The following CACNA2D3 variants were observed in gnomAD, a reference collection of about 807,000 sequenced individuals.
The protein encoded by CACNA2D3 is calcium voltage-gated channel auxiliary subunit alpha2delta 3.
A neutral mutation model predicts 160.6 loss-of-function variants in CACNA2D3; 60 were observed. The observed-to-expected ratio is 0.37, with a 90% CI of 0.30 to 0.46. The LOEUF (loss-of-function observed/expected upper bound fraction) is 0.46. Ranked by LOEUF, CACNA2D3 falls within the 20% of genes least tolerant of loss-of-function variation. CACNA2D3 has a pLI of 1.00. For synonymous variants in CACNA2D3, 558 were observed against 492.9 expected (o/e 1.13, Z -1.75); for missense variants, 1,205 against 1,365.0 (o/e 0.88, Z 1.85).
At chr3:54,190,473 C>T (rs139303242) in intron 2 of CACNA2D3, among the ~76,000 whole-genome samples, 1 of 152,338 alleles carries the variant, frequency 6.6e-6, no homozygotes, top group East Asian at 1.9e-4. Flanking sequence ...CACCAGCACA[C>T]ACACCACTTT....
At chr3:54,278,270 C>G (rs1702790133) in intron 2 of CACNA2D3, among the ~76,000 whole-genome samples, 1 of 152,160 alleles carries the variant, frequency 6.6e-6, no homozygotes, top group African/African-American at 2.4e-5. Flanking sequence ...TAGAGAAATG[C>G]AAATCAAAAC....
At chr3:54,816,716 G>A (rs1703466710) in intron 13 of CACNA2D3, 137 bp from the exon 14 acceptor site, 1 of 871,352 alleles carries the variant, frequency 1.1e-6, no homozygotes, top group Admixed American at 2.4e-5. Context: ...AAAATAACTT[G>A]CTTTACCTCT....
intron 34 of CACNA2D3, among the ~76,000 whole-genome samples, chr3:55,015,379 T>C (rs906909458): frequency 6.6e-6 from 1 of 152,230 alleles, no homozygotes; most frequent in Non-Finnish European, 1.5e-5. Context: ...TCATACCTCA[T>C]AGTTTATTTT....
chr3:54,312,631 C>T (rs978779476), intron 2 of CACNA2D3, among the ~76,000 whole-genome samples: 1 of 152,154 alleles, frequency 6.6e-6, no homozygotes, highest in African/African-American at 2.4e-5. Flanking sequence ...AATGATCTGG[C>T]AAAATAGATG....
intron 2 of CACNA2D3, among the ~76,000 whole-genome samples, chr3:54,251,479 C>T (rs1702188786): frequency 6.6e-6 from 1 of 152,164 alleles, no homozygotes; most frequent in Non-Finnish European, 1.5e-5. Context: ...CCTAGGATTC[C>T]TTTTGGAAAC....
Position 54,514,612 on chromosome 3 carries a change from G to A in CACNA2D3, c.544+10958G>A, listed in dbSNP as rs373874375. Among the ~76,000 whole-genome samples, 51 of 152,284 alleles carry A rather than the reference G, an allele frequency of 3.3e-4. No homozygotes were observed. The South Asian group carries it at 9.1e-3, about 27-fold the overall frequency. On this transcript the variant is annotated intron_variant, in intron 5 of 37. Transcript: ENST00000474759. ...ACACAGCTGGGCATATGATGCACCC[G>A]GAGGAAATGCTGTGGAGGAAAGGGT...
intron 2 of CACNA2D3, among the ~76,000 whole-genome samples, chr3:54,301,463 CA>C (rs902024502): frequency 1.3e-5 from 2 of 150,042 alleles, no homozygotes; most frequent in Non-Finnish European, 1.5e-5. Flanking sequence ...GACCCTGTCT[CA>C]AAAAAAATAA....
At chr3:54,939,693 C>T (rs1167360734) in intron 27 of CACNA2D3, among the ~76,000 whole-genome samples, 1 of 152,232 alleles carries the variant, frequency 6.6e-6, no homozygotes, top group Non-Finnish European at 1.5e-5. Flanking sequence ...GGCTGTTTCC[C>T]TATTCAGAAG....
At chr3:54,739,784 TGTGTGTGTGTGG>T (rs1453534376) in intron 11 of CACNA2D3, among the ~76,000 whole-genome samples, 6 of 109,426 alleles carry the variant, frequency 5.5e-5, no homozygotes, top group South Asian at 5.9e-4. Flanking sequence ...TGTGTGTGTG[TGTGTGTGTGTGG>T]AATTATATAT....
rs534266396 is a variant in CACNA2D3, at chr3:54,846,857, A to G, written c.1626+390A>G. Reference sequence around the variant, plus strand: ...CTTACTGCAAGTCTAATTTGACACGATAAATTAGACCCAAGATCCCTGGAA... The same window carrying G: ...CTTACTGCAAGTCTAATTTGACACGGTAAATTAGACCCAAGATCCCTGGAA... On this transcript the variant is annotated intron_variant, in intron 17 of 37. Coordinates refer to ENST00000474759, the MANE Select transcript of CACNA2D3 (RefSeq NM_018398.3). 2.6e-4 allele frequency among the ~76,000 whole-genome samples: 39 copies of G among 152,304 alleles called. No homozygotes were observed. The South Asian group carries it at 8.1e-3, about 32-fold the overall frequency.
At chr3:54,951,167 G>T (rs1338416892) in intron 27 of CACNA2D3, among the ~76,000 whole-genome samples, 1 of 152,152 alleles carries the variant, frequency 6.6e-6, no homozygotes. Flanking sequence ...ATATTTTGGG[G>T]CATAACTACA....
chr3:54,923,097 A>G (rs1700900289), intron 27 of CACNA2D3, among the ~76,000 whole-genome samples: 1 of 152,090 alleles, frequency 6.6e-6, no homozygotes, highest in African/African-American at 2.4e-5. Context: ...GCCTTTCGTC[A>G]GTTCTCCCAA....
At chr3:55,016,379 G>A (rs996771882) in intron 34 of CACNA2D3, among the ~76,000 whole-genome samples, 3 of 152,176 alleles carry the variant, frequency 2.0e-5, no homozygotes, top group Non-Finnish European at 4.4e-5. Context: ...CACAAGCTTG[G>A]TACTGCTATT....
At chr3:54,146,106 C>G (rs370723279) in intron 2 of CACNA2D3, among the ~76,000 whole-genome samples, 4 of 152,162 alleles carry the variant, frequency 2.6e-5, no homozygotes, top group African/African-American at 7.2e-5. Context: ...GTTCTCTGTT[C>G]GGGATGGGGC....
At chr3:55,007,193 T>G (rs1298939058) in intron 32 of CACNA2D3, among the ~76,000 whole-genome samples, 1 of 152,220 alleles carries the variant, frequency 6.6e-6, no homozygotes, top group Non-Finnish European at 1.5e-5. Context: ...TTTCAATGCC[T>G]TCTTTTATAG....
At chr3:54,744,423 A>G (rs997652891) in intron 11 of CACNA2D3, among the ~76,000 whole-genome samples, 1 of 152,308 alleles carries the variant, frequency 6.6e-6, no homozygotes, top group Non-Finnish European at 1.5e-5. Context: ...TTTATCTGAA[A>G]TTGTGAGTGT....
At chr3:54,290,512 G>GAT (rs1257199137) in intron 2 of CACNA2D3, among the ~76,000 whole-genome samples, 3,083 of 151,560 alleles carry the variant, frequency 0.02, 97 homozygotes, top group African/African-American at 0.07. Context: ...GATTCCTCAG[G>GAT]GATCTAGAAC....
chr3:54,788,364 C>A (rs76722790), intron 13 of CACNA2D3, among the ~76,000 whole-genome samples: 2,838 of 152,230 alleles, frequency 0.019, 95 homozygotes, highest in African/African-American at 0.065. Context: ...GTCTCACCAC[C>A]AGTCCGTGAC....
chr3:54,847,986 T>C (rs1317329257), intron 17 of CACNA2D3, among the ~76,000 whole-genome samples: 1 of 152,196 alleles, frequency 6.6e-6, no homozygotes, highest in African/African-American at 2.4e-5. Context: ...CTATTTATCA[T>C]TGCCTGTCAT....
Sources: gnomAD v4.1 joint callset for allele counts (sites outside exome capture counted in the v4.1 genomes callset) on GRCh38, gnomAD v4.1.1 for gene constraint, MANE v1.5 for transcripts, NCBI Gene and HGNC (gene_info 2026-07-23, HGNC 2026-07-21) for gene names.